The following NEBL variants were observed in gnomAD, a reference collection of about 807,000 sequenced individuals.
NEBL encodes the protein nebulette, also known as LIM and SH3 protein 2.
Under a neutral mutation model 140.2 loss-of-function variants are expected in NEBL, and 122 were observed. The ratio of observed to expected loss-of-function variants is 0.87; its 90% CI spans 0.75 to 1.01. The LOEUF (loss-of-function observed/expected upper bound fraction) is 1.01, where lower values mean the gene tolerates loss of function less well. Among genes scored for constraint, NEBL ranks in the 50% least tolerant of loss-of-function variants. NEBL has a pLI of 0.00. For synonymous variants in NEBL, 436 were observed against 398.9 expected (o/e 1.09, Z -1.11); for missense variants, 1,365 against 1,231.3 (o/e 1.11, Z -1.62).
In NEBL at chr10:20,972,471, G is replaced by A. The variant is rs554838544; in HGVS notation, c.250-10692C>T. Among the ~76,000 whole-genome samples, 7 of 152,302 alleles carry A rather than the reference G, an allele frequency of 4.6e-5. No individual in the cohort carries two copies. The South Asian group carries it at 1.5e-3, about 32-fold the overall frequency. The stretch of plus-strand genomic sequence containing the variant: ...ATTTAAAAATCAATATAGGCCAGGT[G>A]CAGTGGCTCATGCCTGTAATCCCAG... On this transcript the variant is annotated intron_variant, in intron 3 of 6. Coordinates refer to the NEBL transcript ENST00000417816.
intron 3 of NEBL, among the ~76,000 whole-genome samples, chr10:21,180,484 T>A (rs753754114): frequency 2.0e-5 from 3 of 152,178 alleles, no homozygotes; most frequent in Non-Finnish European, 2.9e-5. Flanking sequence ...AGGGCTTATT[T>A]TACTTGCAGT....
chr10:20,806,302 A>G (rs1837612145), intron 26 of NEBL, among the ~76,000 whole-genome samples: 1 of 152,194 alleles, frequency 6.6e-6, no homozygotes, highest in Non-Finnish European at 1.5e-5. Context: ...TTTAGGACCT[A>G]AATCATAGAC....
At chr10:21,195,420 C>T (rs376537708) in intron 3 of NEBL, among the ~76,000 whole-genome samples, 1 of 152,196 alleles carries the variant, frequency 6.6e-6, no homozygotes. Flanking sequence ...AACATCACAA[C>T]ATATCCAGAT....
chr10:21,029,677 C>A, intron 2 of NEBL: 1 of 1,143,430 alleles, frequency 8.7e-7, no homozygotes, highest in Middle Eastern at 2.8e-4. Flanking sequence ...GTATCGAGAT[C>A]GTTATGATTC....
At chr10:20,786,194 A>G (rs1835391533) in intron 27 of NEBL, among the ~76,000 whole-genome samples, 1 of 152,202 alleles carries the variant, frequency 6.6e-6, no homozygotes, top group Non-Finnish European at 1.5e-5. Flanking sequence ...AATAAAGCCA[A>G]GTTCCCCCCA....
At chr10:21,245,574 C>T (rs1842505895) in intron 3 of NEBL, among the ~76,000 whole-genome samples, 1 of 152,184 alleles carries the variant, frequency 6.6e-6, no homozygotes. Context: ...CTCTGTCACC[C>T]AGGCTGGACT....
chr10:20,970,975 T>C (rs573665662), intron 3 of NEBL, among the ~76,000 whole-genome samples: 1 of 152,370 alleles, frequency 6.6e-6, no homozygotes, highest in South Asian at 2.1e-4. Flanking sequence ...TATTTCTTAG[T>C]ATAGGATGCC....
intron 2 of NEBL, among the ~76,000 whole-genome samples, chr10:21,064,273 T>C (rs990142533): frequency 6.6e-6 from 1 of 152,234 alleles, no homozygotes; most frequent in Non-Finnish European, 1.5e-5. Context: ...TCCTTTTTGA[T>C]TTCCACAGAT....
intron 27 of NEBL, 104 bp downstream of exon 27, chr10:20,787,098 T>C: frequency 2.1e-6 from 2 of 975,442 alleles, no homozygotes; most frequent in African/African-American, 1.6e-5. Context: ...TATCTTTAAA[T>C]GAAAATACCC....
At chr10:20,829,461 A>C (rs1840198250) in intron 16 of NEBL, among the ~76,000 whole-genome samples, 1 of 151,446 alleles carries the variant, frequency 6.6e-6, no homozygotes, top group African/African-American at 2.4e-5. Context: ...GGGGAGGGAT[A>C]GCATTAGGAG....
chr10:20,837,345 C>T (rs1233683683), intron 13 of NEBL, among the ~76,000 whole-genome samples: 2 of 152,138 alleles, frequency 1.3e-5, no homozygotes, highest in East Asian at 3.9e-4. Context: ...TAGGTCAAAC[C>T]AGACAAAACA....
At chr10:20,928,318 T>G (rs1338954277) in intron 4 of NEBL, among the ~76,000 whole-genome samples, 2 of 152,200 alleles carry the variant, frequency 1.3e-5, no homozygotes, top group East Asian at 1.9e-4. Flanking sequence ...ACCTTTCAAG[T>G]AGGCAGTAGT....
rs372290689 is a variant in NEBL at position 21,101,317 on chromosome 10, G to A, written c.164+71066C>T. Among the ~76,000 whole-genome samples, 82 of 152,330 alleles carry A rather than the reference G, an allele frequency of 5.4e-4. No individual in the cohort carries two copies. In the South Asian group the frequency reaches 0.011, roughly 21 times the overall value. On this transcript the variant is annotated intron_variant, in intron 2 of 6. Transcript: ENST00000417816. ...CAGTATCGATTCTCAGTTCTTCCAA[G>A]GTAAGACTTCATGCCCAGATCACGT...
rs139591701 is a variant in NEBL, at chr10:20,996,669, G to A, written c.249+23448C>T. 9.1e-4 allele frequency among the ~76,000 whole-genome samples: 138 copies of A among 152,254 alleles called. 1 individual carries two copies. The highest frequency in any genetic ancestry group is 7.5e-3 in the South Asian group (36 of 4,822). Reference sequence around the variant, plus strand: ...CTTCACATTCCACTAGTTCTCAGGGGGCTAGACTGTAATGTGAAGCTATTA... The same window carrying A: ...CTTCACATTCCACTAGTTCTCAGGGAGCTAGACTGTAATGTGAAGCTATTA... On this transcript the variant is annotated intron_variant, in intron 3 of 6. Coordinates refer to the NEBL transcript ENST00000417816.
chr10:21,161,038 A>T (rs930518329), intron 2 of NEBL, among the ~76,000 whole-genome samples: 2 of 152,156 alleles, frequency 1.3e-5, no homozygotes, highest in African/African-American at 4.8e-5. Context: ...AGTGACCCGT[A>T]ATCCAGCTGC....
At chr10:21,120,374 C>CAAAAA (rs1157067083) in intron 2 of NEBL, among the ~76,000 whole-genome samples, 9 of 48,392 alleles carry the variant, frequency 1.9e-4, no homozygotes, top group African/African-American at 8.3e-4. Flanking sequence ...GACTGTGTCT[C>CAAAAA]AAAAAAAAAA....
chr10:21,101,828 G>C (rs1837493546), intron 2 of NEBL, among the ~76,000 whole-genome samples: 2 of 152,172 alleles, frequency 1.3e-5, no homozygotes, highest in South Asian at 2.1e-4. Flanking sequence ...CTTACTGAAT[G>C]CATCTTTCCA....
At chr10:21,265,146 C>T (rs1233159868) in intron 1 of NEBL, among the ~76,000 whole-genome samples, 2 of 152,056 alleles carry the variant, frequency 1.3e-5, no homozygotes, top group Admixed American at 1.3e-4. Flanking sequence ...TGGTCTTGAA[C>T]TCCTGACCTC....
intron 4 of NEBL, among the ~76,000 whole-genome samples, chr10:20,921,162 T>C (rs1429257526): frequency 6.6e-6 from 1 of 152,194 alleles, no homozygotes; most frequent in Non-Finnish European, 1.5e-5. Flanking sequence ...TGATATTTTA[T>C]TTAAACTGTG....
Sources: allele counts gnomAD v4.1 joint callset (sites outside exome capture counted in the v4.1 genomes callset), GRCh38; gene constraint gnomAD v4.1.1; transcripts MANE v1.5; gene names NCBI Gene and HGNC (gene_info 2026-07-23, HGNC 2026-07-21).